PRKCD: variants seen among roughly 807,000 people sequenced by gnomAD.
The protein encoded by PRKCD is protein kinase C delta.
A neutral mutation model predicts 82.2 loss-of-function variants in PRKCD; 20 were observed. That is an observed-to-expected ratio of 0.24 (90% confidence interval 0.17 to 0.35). PRKCD has a LOEUF of 0.35. Ranked by LOEUF, PRKCD falls within the 10% of genes least tolerant of loss-of-function variation. The pLI, the probability that PRKCD is intolerant of heterozygous loss-of-function variation, is 1.00. For missense variants in PRKCD, 607 were observed against 899.0 expected (o/e 0.68, Z 4.15); for synonymous variants, 317 against 337.0 (o/e 0.94, Z 0.65).
intron 17 of PRKCD, 130 bp downstream of exon 17, chr3:53,189,376 C>G (rs531917750): frequency 2.2e-5 from 21 of 967,028 alleles, no homozygotes; most frequent in Non-Finnish European, 3.0e-5. Flanking sequence ...TCCTAACATA[C>G]GGGGTATTGC....
Position 53,183,590 on chromosome 3 carries a change from C to T in PRKCD, c.787+9C>T, listed in dbSNP as rs782737527. ...GGGATTAAAGTGTGAAGGTGCGTGC[C>T]ACCCCGCCCCTGGGCTGCAGGAGGG... On this transcript the variant is annotated intron_variant, in intron 9 of 18. Coordinates refer to ENST00000330452, the MANE Select transcript of PRKCD (RefSeq NM_006254.4). The T allele has an allele frequency of 6.2e-7, 1 of 1,613,372 alleles. No individual in the cohort carries two copies. The highest frequency in any genetic ancestry group is 8.5e-7 in the Non-Finnish European group (1 of 1,179,676).
intron 10 of PRKCD, among the ~76,000 whole-genome samples, chr3:53,185,248 C>T (rs41275527): frequency 3.0e-4 from 45 of 152,094 alleles, no homozygotes; most frequent in Non-Finnish European, 5.4e-4. Context: ...TGGGTGTGGA[C>T]GTTTGTATGT....
chr3:53,181,263 C>A lies in PRKCD; in HGVS notation c.372C>A (p.Asp124Glu). The change falls in exon 5 of 19, where the codon GAC (aspartate) becomes GAA (glutamate). Residue 124 changes from aspartate (D) to glutamate (E), a missense_variant. Asp to Glu is a conservative substitution (Grantham distance 45). This residue lies in a region of PRKCD where 161 missense variants were observed against 227.0 expected (regional missense o/e 0.71). Coordinates refer to ENST00000330452, the MANE Select transcript of PRKCD (RefSeq NM_006254.4). ...TGTCTGTTCAGTATTTCCTGGAGGA[C>A]GTGGGTAAGAACTCCCTGGGGGTGG... Reference protein sequence around the residue: ...VLMSVQYFLEDVDCKQSMRSE... With the variant: ...VLMSVQYFLEEVDCKQSMRSE... The A allele has an allele frequency of 6.2e-7, 1 of 1,613,774 alleles. No homozygotes were observed.
intron 18 of PRKCD, among the ~76,000 whole-genome samples, chr3:53,190,614 A>G (rs1389630171): frequency 6.6e-6 from 1 of 152,198 alleles, no homozygotes; most frequent in Non-Finnish European, 1.5e-5. Flanking sequence ...CCCAGAATCT[A>G]CAGGGCTACC....
chr3:53,176,209 AT>A (rs1385531579), intron 2 of PRKCD, among the ~76,000 whole-genome samples: 3 of 152,116 alleles, frequency 2.0e-5, no homozygotes, highest in Admixed American at 1.3e-4. Flanking sequence ...GGGCTCAGGC[AT>A]GAGCTTGCAC....
In PRKCD at chr3:53,186,548, A is replaced by T. The variant is rs1329323877; in HGVS notation, c.1261-56A>T. 2.5e-5 allele frequency: 38 copies of T among 1,510,886 alleles called. No homozygotes were observed. The Admixed American group carries it at 6.6e-4, about 26-fold the overall frequency. 93.6% of individuals were successfully genotyped at this position (1,510,886 alleles called of 1,614,324 possible). A position where few individuals can be genotyped will look rare whatever the true frequency, so the allele number is the denominator to read the frequency against. On this transcript the variant is annotated intron_variant, in intron 13 of 18. Transcript: ENST00000330452. ...TTGGGGCTTGGCCCCAGTGGCCCTC[A>T]GTGAGGGAGCCTCCTGCCTATTCCT...
rs782563543 is a variant in PRKCD, at chr3:53,186,358, C to T, written c.1260+18C>T. The T allele has an allele frequency of 1.2e-5, 20 of 1,613,384 alleles. No homozygotes were observed. The highest frequency in any genetic ancestry group is 5.3e-5 in the African/African-American group (4 of 74,904). ...AGACCAAGGTGCCCGGGCCTCCTGC[C>T]GTCACCACCCCATGCCACAGCCATG... On this transcript the variant is annotated intron_variant, in intron 13 of 18. Transcript: ENST00000330452.
chr3:53,181,681 G>A lies in PRKCD; in HGVS notation c.540-20G>A. 1 of 1,612,462 alleles carries A rather than the reference G, an allele frequency of 6.2e-7. No individual in the cohort carries two copies. Among genetic ancestry groups the A allele is most frequent in the Non-Finnish European group, 8.5e-7 (1 of 1,178,482 alleles). On this transcript the variant is annotated intron_variant, in intron 6 of 18. Coordinates refer to ENST00000330452, the MANE Select transcript of PRKCD (RefSeq NM_006254.4). ...ATCCCGGTCCCCGCTCACTCACTTTGCCTGGGTTTTGCCTTTCAGGGGCCT... is the reference window on the plus strand; with the variant it reads ...ATCCCGGTCCCCGCTCACTCACTTTACCTGGGTTTTGCCTTTCAGGGGCCT...
Position 53,192,096 on chromosome 3 carries a change from C to T in PRKCD, c.1873-12C>T, listed in dbSNP as rs367681097. ...TAGGTCCTGTTCGCTCACCCCTGCC[C>T]TCTGCTTGTAGAAGTCACCCAGAGA... On this transcript the variant is annotated splice_polypyrimidine_tract_variant and intron_variant, in intron 18 of 18. Transcript: ENST00000330452. 7.4e-6 allele frequency: 12 copies of T among 1,613,826 alleles called. No individual in the cohort carries two copies. The highest frequency in any genetic ancestry group is 1.0e-5 in the Non-Finnish European group (12 of 1,179,938).
At chr3:53,190,060 C>G (rs1703869717) in intron 18 of PRKCD, 59 bp downstream of exon 18, 2 of 1,603,584 alleles carry the variant, frequency 1.2e-6, no homozygotes, top group Admixed American at 3.3e-5. Context: ...TGCCCTCCCT[C>G]TCTCCTGCAT....
At chr3:53,185,233 G>A (rs1703629058) in intron 10 of PRKCD, among the ~76,000 whole-genome samples, 1 of 152,240 alleles carries the variant, frequency 6.6e-6, no homozygotes, top group African/African-American at 2.4e-5. Flanking sequence ...TTTGAACTAA[G>A]ACTTTGGGTG....
At chr3:53,187,080 T>C (rs1200776311) in intron 14 of PRKCD, among the ~76,000 whole-genome samples, 2 of 149,634 alleles carry the variant, frequency 1.3e-5, no homozygotes, top group African/African-American at 2.4e-5. Context: ...TGTGTGTGCA[T>C]GCATGCAAAC....
intron 3 of PRKCD, 153 bp from the exon 4 acceptor site, chr3:53,179,424 A>G: frequency 5.2e-6 from 5 of 953,532 alleles, no homozygotes; most frequent in Non-Finnish European, 8.5e-6. Context: ...AGGGTGCCCA[A>G]GGTAGTTCTG....
At chr3:53,179,509 C>T (rs200291363) in intron 3 of PRKCD, 68 bp from the exon 4 acceptor site, 21 of 1,591,612 alleles carry the variant, frequency 1.3e-5, no homozygotes, top group Non-Finnish European at 1.7e-5. Context: ...CAGGGGAAGG[C>T]CGTGGAGGTC....
chr3:53,167,775 C>T (rs1412090642), intron 2 of PRKCD, among the ~76,000 whole-genome samples: 1 of 152,146 alleles, frequency 6.6e-6, no homozygotes, highest in East Asian at 1.9e-4. Context: ...TGGGCACTGG[C>T]CCAGTGTTAC....
Position 53,175,193 on chromosome 3 carries a change from A to G in PRKCD, c.-19-3211A>G, listed in dbSNP as rs116716179. Among the ~76,000 whole-genome samples, 322 of 152,158 alleles carry G rather than the reference A, an allele frequency of 2.1e-3. 2 individuals carry two copies. Among genetic ancestry groups the G allele is most frequent in the African/African-American group, 7.5e-3 (310 of 41,508 alleles). On this transcript the variant is annotated intron_variant, in intron 2 of 18. Transcript: ENST00000330452. Reference sequence around the variant, plus strand: ...CATCTGGTGCTCCTGAGTGAGTTGTATGTTCATGGAGACCTGGTTTCCCTT... The same window carrying G: ...CATCTGGTGCTCCTGAGTGAGTTGTGTGTTCATGGAGACCTGGTTTCCCTT...
intron 2 of PRKCD, among the ~76,000 whole-genome samples, chr3:53,171,818 G>A (rs1553664985): frequency 2.0e-5 from 3 of 152,232 alleles, no homozygotes; most frequent in Non-Finnish European, 4.4e-5. Context: ...GTAGAGAGCA[G>A]GACAGGGCCA....
At chr3:53,184,403 T>C (rs111610803) in intron 9 of PRKCD, among the ~76,000 whole-genome samples, 2,672 of 148,486 alleles carry the variant, frequency 0.018, 76 homozygotes, top group South Asian at 0.11. Flanking sequence ...TGGCCGGGCG[T>C]GGTGGCTCAC....
Position 53,161,397 on chromosome 3 carries a change from G to T in PRKCD, c.-163G>T, listed in dbSNP as rs1455889074. The T allele has an allele frequency of 6.6e-6, 1 of 151,156 alleles. No individual in the cohort carries two copies. Among genetic ancestry groups the T allele is most frequent in the African/African-American group, 2.4e-5 (1 of 41,222 alleles). 9.4% of individuals were successfully genotyped at this position (151,156 alleles called of 1,614,324 possible). ...GAGCGGCGCCCCCGCCGCTGCCGCC[G>T]CGACCCTTGGCGCCTGCCCCTGCAA... On this transcript the variant is annotated 5_prime_UTR_variant, in exon 1 of 19. Coordinates refer to ENST00000330452, the MANE Select transcript of PRKCD (RefSeq NM_006254.4).
Sources: gnomAD v4.1 joint callset for allele counts (sites outside exome capture counted in the v4.1 genomes callset) on GRCh38, gnomAD v4.1.1 for gene constraint, gnomAD v4.1.1 regional missense constraint, MANE v1.5 for transcripts, NCBI Gene and HGNC (gene_info 2026-07-23, HGNC 2026-07-21) for gene names.